WDFY3: variants seen among roughly 807,000 people sequenced by gnomAD.
WDFY3 encodes the protein WD repeat and FYVE domain-containing protein 3.
Under a neutral mutation model 409.6 loss-of-function variants are expected in WDFY3, and 66 were observed. That is an observed-to-expected ratio of 0.16 (90% CI 0.13 to 0.20). The LOEUF (loss-of-function observed/expected upper bound fraction) is 0.20. WDFY3 is among the 10% of genes least tolerant of loss of function. The probability of loss-of-function intolerance (pLI) is 1.00; values close to 1 mark genes in which losing one functional copy is unlikely to be tolerated. For synonymous variants in WDFY3, 1,521 were observed against 1,537.1 expected (o/e 0.99, Z 0.25); for missense variants, 3,031 against 4,298.1 (o/e 0.71, Z 8.24).
Position 84,774,832 on chromosome 4 carries a change from T to C in WDFY3, c.4742A>G (p.Asn1581Ser), listed in dbSNP as rs147167663. Residue 1581 changes from asparagine (N) to serine (S), a missense_variant, in exon 29 of 68, where the codon AAT (asparagine) becomes AGT (serine). By Grantham distance (46) the Asn-to-Ser change is conservative. Around this residue, in one of 16 missense-constraint regions of WDFY3, gnomAD observed 342 missense variants for 463.7 expected, o/e 0.74. Coordinates refer to ENST00000295888, the MANE Select transcript of WDFY3 (RefSeq NM_014991.6). ...AAGTTTTTCCTACCTGAGCAGATCA[T>C]TGCTGCTAGGAAAACCTTGCAGTAA... Reference protein sequence around the residue: ...SFLLQGFPSSNDLLRFGQFIS... With the variant: ...SFLLQGFPSSSDLLRFGQFIS... The C allele has an allele frequency of 1.7e-5, 28 of 1,610,738 alleles. No homozygotes were observed. Among genetic ancestry groups the C allele is most frequent in the African/African-American group, 1.2e-4 (9 of 74,734 alleles).
At chr4:84,754,366 C>A (rs966141081) in intron 34 of WDFY3, among the ~76,000 whole-genome samples, 9 of 152,124 alleles carry the variant, frequency 5.9e-5, no homozygotes, top group South Asian at 2.1e-4. Flanking sequence ...TCTTCTGATA[C>A]CTGCCCAGAG....
chr4:84,905,281 A>C (rs1048538683), intron 2 of WDFY3, among the ~76,000 whole-genome samples: 1 of 152,234 alleles, frequency 6.6e-6, no homozygotes, highest in Admixed American at 6.5e-5. Flanking sequence ...GGTTGCAGTG[A>C]GCCAAGATCA....
intron 49 of WDFY3, among the ~76,000 whole-genome samples, chr4:84,715,977 T>C (rs938135492): frequency 6.6e-6 from 1 of 151,722 alleles, no homozygotes; most frequent in Non-Finnish European, 1.5e-5. Context: ...GTAATTTTTA[T>C]ATTAGAAGAA....
chr4:84,936,182 G>T lies in WDFY3; in HGVS notation c.-225-3819C>A, dbSNP rs1286622512. On this transcript the variant is annotated intron_variant, in intron 1 of 67. Coordinates refer to ENST00000295888, the MANE Select transcript of WDFY3 (RefSeq NM_014991.6). ...TGGCCTATCTATGTCTTCTGAGTTG[G>T]TTTTCTTATATTAATACTTAAAATG... is the stretch of plus-strand genomic sequence containing the variant. Among the ~76,000 whole-genome samples, 6 of 152,206 alleles carry T rather than the reference G, an allele frequency of 3.9e-5. No homozygotes were observed. The East Asian group carries it at 7.7e-4, about 20-fold the overall frequency.
intron 39 of WDFY3, 103 bp downstream of exon 39, chr4:84,740,084 G>A: frequency 1.7e-6 from 2 of 1,157,366 alleles, no homozygotes; most frequent in South Asian, 1.4e-5. Flanking sequence ...AAATAAAACA[G>A]AGTAAGGGTA....
intron 15 of WDFY3, among the ~76,000 whole-genome samples, chr4:84,804,653 T>A (rs1323574282): frequency 1.3e-5 from 2 of 152,198 alleles, no homozygotes; most frequent in Non-Finnish European, 2.9e-5. Flanking sequence ...CCAACAGTTA[T>A]CCTCCTCCTA....
intron 2 of WDFY3, among the ~76,000 whole-genome samples, chr4:84,910,466 G>A (rs1230589985): frequency 6.6e-6 from 1 of 152,030 alleles, no homozygotes; most frequent in Non-Finnish European, 1.5e-5. Context: ...CATAAGGATG[G>A]TAATATGGAC....
chr4:84,946,435 T>A (rs899298387), intron 1 of WDFY3, among the ~76,000 whole-genome samples: 5 of 152,160 alleles, frequency 3.3e-5, no homozygotes, highest in African/African-American at 4.8e-5. Context: ...AGAATCACAA[T>A]GGAACCAGGA....
chr4:84,799,340 T>TATA (rs200639138), intron 17 of WDFY3, among the ~76,000 whole-genome samples: 4 of 44,848 alleles, frequency 8.9e-5, no homozygotes, highest in Non-Finnish European at 3.1e-4. Flanking sequence ...ATATATATAT[T>TATA]TTTTTTTTTT....
chr4:84,880,670 C>CAT (rs1412358154), intron 3 of WDFY3, among the ~76,000 whole-genome samples: 45 of 55,216 alleles, frequency 8.1e-4, no homozygotes, highest in African/African-American at 3.5e-3. Flanking sequence ...ATAAGGGAAC[C>CAT]ATACATATAT....
At position 84,751,251 on chromosome 4, in the gene WDFY3, G is replaced by C. The variant is rs990228496; in HGVS notation, c.5973+232C>G. On this transcript the variant is annotated intron_variant, in intron 36 of 67. Coordinates refer to ENST00000295888, the MANE Select transcript of WDFY3 (RefSeq NM_014991.6). Reference sequence around the variant, plus strand: ...TACAGAAGAAGTTCGCCAGCTCTTAGAGAAAGGATGATAAAGGACTGAATT... The same window carrying C: ...TACAGAAGAAGTTCGCCAGCTCTTACAGAAAGGATGATAAAGGACTGAATT... 8 of 561,064 alleles carry C rather than the reference G, an allele frequency of 1.4e-5. No homozygotes were observed. The Admixed American group carries it at 2.5e-4, about 17-fold the overall frequency. The allele number at this position is 561,064 out of a possible 1,614,324, so 34.8% of individuals were successfully genotyped here.
chr4:84,695,525 G>T (rs1332691958), intron 58 of WDFY3, among the ~76,000 whole-genome samples: 5 of 150,390 alleles, frequency 3.3e-5, no homozygotes, highest in Admixed American at 2.0e-4. Flanking sequence ...GAGAGAGAGA[G>T]AGAGAGAGAG....
chr4:84,835,735 A>T (rs1258202653), intron 7 of WDFY3, among the ~76,000 whole-genome samples: 1 of 152,128 alleles, frequency 6.6e-6, no homozygotes, highest in African/African-American at 2.4e-5. Context: ...GCCTGCAACC[A>T]TTACTCTATA....
At chr4:84,701,358 T>G (rs927590968) in intron 56 of WDFY3, among the ~76,000 whole-genome samples, 3 of 152,186 alleles carry the variant, frequency 2.0e-5, no homozygotes, top group Admixed American at 2.0e-4. Flanking sequence ...AAAGGTAGAG[T>G]TGCTGATGGA....
intron 2 of WDFY3, among the ~76,000 whole-genome samples, chr4:84,906,527 C>G (rs1767062863): frequency 6.6e-6 from 1 of 152,056 alleles, no homozygotes; most frequent in Non-Finnish European, 1.5e-5. Flanking sequence ...AAAATTTAAC[C>G]ACAGTCATCC....
At chr4:84,964,373 G>A (rs1775334050) in intron 1 of WDFY3, among the ~76,000 whole-genome samples, 1 of 152,172 alleles carries the variant, frequency 6.6e-6, no homozygotes, top group East Asian at 1.9e-4. Flanking sequence ...GGAGGCTGTG[G>A]GAGAAGGATC....
At chr4:84,883,677 C>T (rs1763836871) in intron 3 of WDFY3, among the ~76,000 whole-genome samples, 1 of 152,046 alleles carries the variant, frequency 6.6e-6, no homozygotes, top group South Asian at 2.1e-4. Context: ...TACTTGTCTC[C>T]TTTTACATTT....
At chr4:84,894,733 C>A (rs1214915961) in intron 3 of WDFY3, among the ~76,000 whole-genome samples, 3 of 151,880 alleles carry the variant, frequency 2.0e-5, no homozygotes, top group Non-Finnish European at 4.4e-5. Flanking sequence ...ATGCAGCGAG[C>A]CGAGACTGCG....
chr4:84,794,752 A>T lies in WDFY3; in HGVS notation c.3269-15T>A, dbSNP rs201184909. Reference sequence around the variant, plus strand: ...GAATCTTTCACCTACAGTAAAAATTAAAAAAAAAAGTCTGTGTTGATTAAT... The same window carrying T: ...GAATCTTTCACCTACAGTAAAAATTTAAAAAAAAAGTCTGTGTTGATTAAT... On this transcript the variant is annotated splice_polypyrimidine_tract_variant and intron_variant, in intron 20 of 67. Coordinates refer to ENST00000295888, the MANE Select transcript of WDFY3 (RefSeq NM_014991.6). 1.2e-3 allele frequency: 1,623 copies of T among 1,355,072 alleles called. 7 individuals carry two copies. In the African/African-American group the frequency reaches 0.016, roughly 13 times the overall value. 83.9% of individuals were successfully genotyped at this position (1,355,072 alleles called of 1,614,324 possible).
Sources: allele counts gnomAD v4.1 joint callset (sites outside exome capture counted in the v4.1 genomes callset), GRCh38; gene constraint gnomAD v4.1.1; regional missense constraint gnomAD v4.1.1; transcripts MANE v1.5; gene names NCBI Gene and HGNC (gene_info 2026-07-23, HGNC 2026-07-21).